Variants in KIF26B observed in about 807,000 individuals in gnomAD.
KIF26B encodes the protein kinesin family member 26B.
A neutral mutation model predicts 151.2 loss-of-function variants in KIF26B; 63 were observed. The ratio of observed to expected loss-of-function variants is 0.42; its 90% CI spans 0.34 to 0.51. The LOEUF (loss-of-function observed/expected upper bound fraction) is 0.51, where lower values mean the gene tolerates loss of function less well. Ranked by LOEUF, KIF26B falls within the 20% of genes least tolerant of loss-of-function variation. The pLI is 0.07. For missense variants in KIF26B, 2,813 were observed against 2,913.6 expected (o/e 0.97, Z 0.79); for synonymous variants, 1,357 against 1,262.1 (o/e 1.08, Z -1.59).
intron 4 of KIF26B, among the ~76,000 whole-genome samples, chr1:245,468,668 T>TA: frequency 6.7e-6 from 1 of 149,698 alleles, no homozygotes; most frequent in East Asian, 2.0e-4. Context: ...CTGAAATACT[T>TA]ACATCTTAGA....
chr1:245,696,516 T>C (rs886204769), intron 12 of KIF26B, among the ~76,000 whole-genome samples: 2 of 152,206 alleles, frequency 1.3e-5, no homozygotes, highest in Admixed American at 1.3e-4. Flanking sequence ...TTTGTTGTTT[T>C]AGCCGCTGGG....
chr1:245,667,998 C>T lies in KIF26B; in HGVS notation c.2259-16235C>T, dbSNP rs767186854. ...GCAACTTCCACCTCCCAGGTTCAAG[C>T]GATTCTCCTGCCTCAGCCTCCCAGG... On this transcript the variant is annotated intron_variant, in intron 10 of 14. Coordinates refer to ENST00000407071, the MANE Select transcript of KIF26B (RefSeq NM_018012.4). The surrounding 1 kb of genome is among the most constrained non-coding windows in gnomAD (Gnocchi z 4.3). Among the ~76,000 whole-genome samples, 48 of 152,272 alleles carry T rather than the reference C, an allele frequency of 3.2e-4. No homozygotes were observed. Among genetic ancestry groups the T allele is most frequent in the Middle Eastern group, 3.4e-3 (1 of 294 alleles).
chr1:245,316,572 T>G (rs1671780738), intron 2 of KIF26B, among the ~76,000 whole-genome samples: 1 of 152,158 alleles, frequency 6.6e-6, no homozygotes, highest in South Asian at 2.1e-4. Context: ...TCTTTTATTT[T>G]TTTTCTGATA....
chr1:245,635,643 TA>T (rs1246175714), intron 9 of KIF26B, among the ~76,000 whole-genome samples: 2 of 152,038 alleles, frequency 1.3e-5, no homozygotes, highest in Non-Finnish European at 2.9e-5. Flanking sequence ...TCCTTTCTGC[TA>T]TTTTTTTTTC....
chr1:245,547,868 G>T (rs1661783207), intron 5 of KIF26B, among the ~76,000 whole-genome samples: 2 of 152,146 alleles, frequency 1.3e-5, no homozygotes, highest in Non-Finnish European at 2.9e-5. Flanking sequence ...GGGAGGACTG[G>T]TTTGGTCCTG....
Position 245,613,517 on chromosome 1 carries a change from G to C in KIF26B, c.2098+1541G>C, listed in dbSNP as rs374514191. Among the ~76,000 whole-genome samples, 6 of 152,222 alleles carry C rather than the reference G, an allele frequency of 3.9e-5. No individual in the cohort carries two copies. In the East Asian group the frequency reaches 5.8e-4, roughly 15 times the overall value. On this transcript the variant is annotated intron_variant, in intron 9 of 14. Coordinates refer to ENST00000407071, the MANE Select transcript of KIF26B (RefSeq NM_018012.4). ...GGGGTCTGAGGCAGGAGAATTGCTT[G>C]AACCCAGGAGGCGGAGGTTGCAGTG...
Position 245,640,143 on chromosome 1 carries a change from C to CTCTCTCTCTCTCTCTCTCTATATATA in KIF26B, c.2099-5977_2099-5976insCTCTCTCTCTCTCTCTCTATATATAT. Among the ~76,000 whole-genome samples the CTCTCTCTCTCTCTCTCTCTATATATA allele has an allele frequency of 2.2e-3, 71 of 31,900 alleles. 4 individuals carry two copies. Among genetic ancestry groups the CTCTCTCTCTCTCTCTCTCTATATATA allele is most frequent in the Non-Finnish European group, 3.0e-3 (51 of 16,972 alleles). 20.9% of individuals were successfully genotyped at this position (31,900 alleles called of 152,430 possible). ...ATTTGCTCTCTCTCTCTCTCTCTCT[C>CTCTCTCTCTCTCTCTCTCTATATATA]TATATATATATATATATACCCTGCT... On this transcript the variant is annotated intron_variant, in intron 9 of 14. Transcript: ENST00000407071.
intron 2 of KIF26B, among the ~76,000 whole-genome samples, chr1:245,350,766 G>T (rs140268648): frequency 6.6e-6 from 1 of 152,150 alleles, no homozygotes; most frequent in African/African-American, 2.4e-5. Flanking sequence ...AGACCTGCCC[G>T]AGAGGGGACA....
chr1:245,464,414 G>GGT (rs145956261), intron 4 of KIF26B, among the ~76,000 whole-genome samples: 6 of 143,020 alleles, frequency 4.2e-5, no homozygotes, highest in Non-Finnish European at 7.7e-5. Context: ...CGTATGTGGG[G>GGT]GTGTGTGTGG....
chr1:245,667,922 A>C lies in KIF26B; in HGVS notation c.2259-16311A>C, dbSNP rs570419095. Among the ~76,000 whole-genome samples, 71 of 152,138 alleles carry C rather than the reference A, an allele frequency of 4.7e-4. 2 individuals carry two copies. The South Asian group carries it at 0.014, about 31-fold the overall frequency. On this transcript the variant is annotated intron_variant, in intron 10 of 14. Transcript: ENST00000407071. The surrounding 1 kb of genome is among the most constrained non-coding windows in gnomAD (Gnocchi z 4.3). The stretch of plus-strand genomic sequence containing the variant: ...TTTTGTGTTTTTGAGATGGAGTCTC[A>C]CTCTGTCACCCAGGCTGGAGTGCAG...
chr1:245,574,606 A>G (rs1428774232), intron 5 of KIF26B, among the ~76,000 whole-genome samples: 3 of 152,048 alleles, frequency 2.0e-5, no homozygotes, highest in Non-Finnish European at 4.4e-5. Context: ...GCTGTGTTGG[A>G]GTCCACCTTC....
At chr1:245,176,205 G>T (rs1668806703) in intron 2 of KIF26B, among the ~76,000 whole-genome samples, 1 of 151,954 alleles carries the variant, frequency 6.6e-6, no homozygotes, top group Non-Finnish European at 1.5e-5. Context: ...CTCCATGTTG[G>T]TCAGGCTGGT....
chr1:245,454,584 C>T (rs561793301), intron 4 of KIF26B, among the ~76,000 whole-genome samples: 1 of 152,324 alleles, frequency 6.6e-6, no homozygotes, highest in African/African-American at 2.4e-5. Context: ...TCCTTTGATA[C>T]CTTCCATTGG....
chr1:245,471,212 C>G (rs949412938), intron 4 of KIF26B, among the ~76,000 whole-genome samples: 1 of 151,910 alleles, frequency 6.6e-6, no homozygotes, highest in Non-Finnish European at 1.5e-5. Context: ...CTCACTGCAA[C>G]CTCCACCTCC....
chr1:245,210,778 C>T (rs937634492), intron 2 of KIF26B, among the ~76,000 whole-genome samples: 3 of 152,080 alleles, frequency 2.0e-5, no homozygotes, highest in African/African-American at 4.8e-5. Context: ...GGACCAAGGA[C>T]ATTCCCAAGC....
chr1:245,240,301 G>A (rs981947630), intron 2 of KIF26B, among the ~76,000 whole-genome samples: 1 of 152,162 alleles, frequency 6.6e-6, no homozygotes, highest in African/African-American at 2.4e-5. Context: ...TCTTCTTAGG[G>A]GAGGGGAAGG....
At chr1:245,577,734 G>A (rs1206273548) in intron 5 of KIF26B, among the ~76,000 whole-genome samples, 15 of 144,220 alleles carry the variant, frequency 1.0e-4, no homozygotes, top group African/African-American at 3.6e-4. Context: ...GTGGAACTCC[G>A]GGCGATGCAT....
chr1:245,319,891 C>T (rs1671853226), intron 2 of KIF26B, among the ~76,000 whole-genome samples: 1 of 152,164 alleles, frequency 6.6e-6, no homozygotes. Context: ...TCTGTTGTAG[C>T]TTAGCTGTGG....
intron 2 of KIF26B, among the ~76,000 whole-genome samples, chr1:245,200,509 A>G (rs73127109): frequency 0.011 from 1,636 of 152,348 alleles, 35 homozygotes; most frequent in African/African-American, 0.037. Flanking sequence ...ATATCTTTGT[A>G]TATGGAAATG....
Sources: allele counts gnomAD v4.1 joint callset (sites outside exome capture counted in the v4.1 genomes callset), GRCh38; gene constraint gnomAD v4.1.1; non-coding constraint Gnocchi (gnomAD v3.1); transcripts MANE v1.5; gene names NCBI Gene and HGNC (gene_info 2026-07-23, HGNC 2026-07-21).